ARHGEF6: variants seen among roughly 807,000 people sequenced by gnomAD.
ARHGEF6 encodes the protein Rac/Cdc42 guanine nucleotide exchange factor 6.
Under a neutral mutation model 70.3 loss-of-function variants are expected in ARHGEF6, and 9 were observed. The observed-to-expected ratio is 0.13, with a 90% CI of 0.08 to 0.22. The LOEUF (loss-of-function observed/expected upper bound fraction) is 0.22. Ranked by LOEUF, ARHGEF6 falls within the 10% of genes least tolerant of loss-of-function variation. The pLI, the probability that ARHGEF6 is intolerant of heterozygous loss-of-function variation, is 1.00. For missense variants in ARHGEF6, 470 were observed against 563.0 expected (o/e 0.83, Z 1.67); for synonymous variants, 201 against 207.8 (o/e 0.97, Z 0.28).
chrX:136,755,628 C>T (rs1339821342), intron 2 of ARHGEF6, among the ~76,000 whole-genome samples: 1 of 112,123 alleles, frequency 8.9e-6, no homozygotes, highest in East Asian at 2.8e-4. Flanking sequence ...CCTTCAGCAG[C>T]AGCCCTTCCA....
intron 2 of ARHGEF6, among the ~76,000 whole-genome samples, chrX:136,772,026 G>A (rs1342697728): frequency 8.9e-6 from 1 of 112,124 alleles, no homozygotes; most frequent in Non-Finnish European, 1.9e-5. Context: ...ACCAACAAAT[G>A]AATGGATAAA....
Position 136,765,961 on chromosome X carries a change from C to A in ARHGEF6, c.249+13453G>T, listed in dbSNP as rs150688279. On this transcript the variant is annotated intron_variant, in intron 2 of 21. Transcript: ENST00000250617. ...AAAACTCCAATCATCTGCACAGCACCCAGACTAAGACAGAACACTCCCTTG... is the reference window on the plus strand; with the variant it reads ...AAAACTCCAATCATCTGCACAGCACACAGACTAAGACAGAACACTCCCTTG... 2.0e-3 allele frequency among the ~76,000 whole-genome samples: 227 copies of A among 112,670 alleles called. 1 individual carries two copies. In the East Asian group the frequency reaches 0.026, roughly 13 times the overall value.
chrX:136,724,496 T>C (rs2076834341), intron 6 of ARHGEF6, among the ~76,000 whole-genome samples: 1 of 111,327 alleles, frequency 9.0e-6, no homozygotes. Flanking sequence ...TGTGTGTTTG[T>C]TTGATTGTTT....
intron 2 of ARHGEF6, among the ~76,000 whole-genome samples, chrX:136,755,543 G>A (rs1446980399): frequency 9.0e-6 from 1 of 111,576 alleles, no homozygotes; most frequent in Non-Finnish European, 1.9e-5. Flanking sequence ...TTACAGCAGA[G>A]ACTGGTGGTA....
At chrX:136,733,714 C>T (rs756487799) in intron 5 of ARHGEF6, among the ~76,000 whole-genome samples, 1 of 112,532 alleles carries the variant, frequency 8.9e-6, no homozygotes, top group South Asian at 3.7e-4. Context: ...GGCAGACTAT[C>T]TTCTCATTTT....
chrX:136,706,678 T>C (rs1200725685), intron 9 of ARHGEF6, among the ~76,000 whole-genome samples: 1 of 112,127 alleles, frequency 8.9e-6, no homozygotes, highest in Non-Finnish European at 1.9e-5. Context: ...GACCTCCTCC[T>C]CCTTGTTCAT....
chrX:136,767,613 C>G (rs1381094894), intron 2 of ARHGEF6: 1 of 752,949 alleles, frequency 1.3e-6, no homozygotes, highest in Non-Finnish European at 1.6e-6. Context: ...GCGAGCCGGG[C>G]GAGGGTGCGC....
intron 9 of ARHGEF6, 133 bp downstream of exon 9, chrX:136,706,775 T>C: frequency 2.3e-6 from 2 of 873,271 alleles, no homozygotes; most frequent in South Asian, 4.2e-5. Flanking sequence ...AATCAATCCA[T>C]GTAACAATGA....
rs140478489 is a variant in ARHGEF6 at position 136,673,000 on chromosome X, C to T, written c.2036-881G>A. Among the ~76,000 whole-genome samples, 36 of 112,217 alleles carry T rather than the reference C, an allele frequency of 3.2e-4. 1 individual carries two copies. In the East Asian group the frequency reaches 9.2e-3, roughly 29 times the overall value. On this transcript the variant is annotated intron_variant, in intron 19 of 21. Transcript: ENST00000250617. ...CTTTGTAGGTGCTTAATACAGGTGGCCCCCCATATCCACATGTTTCACATC... is the reference window on the plus strand; with the variant it reads ...CTTTGTAGGTGCTTAATACAGGTGGTCCCCCATATCCACATGTTTCACATC...
chrX:136,733,245 T>A (rs1328347442), intron 5 of ARHGEF6, among the ~76,000 whole-genome samples: 3 of 111,734 alleles, frequency 2.7e-5, no homozygotes, highest in Non-Finnish European at 5.6e-5. Context: ...ATATTTTAAT[T>A]TTAACTTGCT....
At chrX:136,764,617 A>G (rs936982407) in intron 2 of ARHGEF6, among the ~76,000 whole-genome samples, 2 of 111,063 alleles carry the variant, frequency 1.8e-5, no homozygotes, top group East Asian at 5.6e-4. Context: ...GATAGTCATG[A>G]TAGTAGTGCC....
intron 6 of ARHGEF6, among the ~76,000 whole-genome samples, chrX:136,721,776 G>A (rs2076800334): frequency 9.0e-6 from 1 of 111,139 alleles, no homozygotes; most frequent in Non-Finnish European, 1.9e-5. Context: ...AAGGGGCTGG[G>A]GAAGTTGGGG....
intron 6 of ARHGEF6, among the ~76,000 whole-genome samples, chrX:136,726,378 T>C (rs181748849): frequency 9.0e-6 from 1 of 110,695 alleles, no homozygotes; most frequent in East Asian, 2.8e-4. Flanking sequence ...GGAAGAGCAG[T>C]ATGGAGGAGT....
rs1004311670 is a variant in ARHGEF6, at chrX:136,731,969, G to A, written c.732+133C>T. On this transcript the variant is annotated intron_variant, in intron 6 of 21. Coordinates refer to ENST00000250617, the MANE Select transcript of ARHGEF6 (RefSeq NM_004840.3). ...AAGTAAAAGAGCTCCACTGTAATGC[G>A]AATGGCATTAGACTCATGCATGCAA... The A allele has an allele frequency of 8.2e-6, 4 of 486,314 alleles. No individual in the cohort carries two copies. The East Asian group carries it at 1.1e-4, about 14-fold the overall frequency. 40.1% of individuals were successfully genotyped at this position (486,314 alleles called of 1,213,427 possible). A position where few individuals can be genotyped will look rare whatever the true frequency, so the allele number is the denominator to read the frequency against.
At chrX:136,669,762 C>G (rs1223859612) in intron 20 of ARHGEF6, among the ~76,000 whole-genome samples, 1 of 111,954 alleles carries the variant, frequency 8.9e-6, no homozygotes, top group Non-Finnish European at 1.9e-5. Flanking sequence ...TACACCTTTT[C>G]TATACTTCCC....
At chrX:136,729,238 C>T (rs1306831209) in intron 6 of ARHGEF6, among the ~76,000 whole-genome samples, 2 of 106,433 alleles carry the variant, frequency 1.9e-5, no homozygotes, top group Non-Finnish European at 1.9e-5. Flanking sequence ...GAAGCCAAAG[C>T]GGGAGAACCA....
At chrX:136,683,751 T>C (rs1411324022) in intron 12 of ARHGEF6, among the ~76,000 whole-genome samples, 1 of 111,666 alleles carries the variant, frequency 9.0e-6, no homozygotes, top group African/African-American at 3.3e-5. Flanking sequence ...ACAATTATCC[T>C]TATGCCTGTC....
In ARHGEF6 at chrX:136,666,611, G is replaced by A. The variant is rs1051962426; in HGVS notation, c.*1418C>T. Reference sequence around the variant, plus strand: ...AAAGGCAATTCTGATCAGCCCTTTGGCCTCAATTTCCAGTGACCTTCCCCA... The same window carrying A: ...AAAGGCAATTCTGATCAGCCCTTTGACCTCAATTTCCAGTGACCTTCCCCA... On this transcript the variant is annotated 3_prime_UTR_variant, in exon 22 of 22. Coordinates refer to ENST00000250617, the MANE Select transcript of ARHGEF6 (RefSeq NM_004840.3). 2 of 112,123 alleles carry A rather than the reference G, an allele frequency of 1.8e-5. No individual in the cohort carries two copies. Among genetic ancestry groups the A allele is most frequent in the Non-Finnish European group, 3.8e-5 (2 of 53,178 alleles). 9.2% of individuals were successfully genotyped at this position (112,123 alleles called of 1,213,427 possible). A position where few individuals can be genotyped will look rare whatever the true frequency, so the allele number is the denominator to read the frequency against.
chrX:136,765,899 G>T (rs2077308755), intron 2 of ARHGEF6, among the ~76,000 whole-genome samples: 1 of 112,476 alleles, frequency 8.9e-6, no homozygotes, highest in Non-Finnish European at 1.9e-5. Context: ...CCAAAGAAAT[G>T]CAATATGAGA....
Sources: allele counts gnomAD v4.1 joint callset (sites outside exome capture counted in the v4.1 genomes callset), GRCh38; gene constraint gnomAD v4.1.1; transcripts MANE v1.5; gene names NCBI Gene and HGNC (gene_info 2026-07-23, HGNC 2026-07-21).